Variants in RAB5C observed in about 807,000 individuals in gnomAD.
The protein encoded by RAB5C is RAB5C, member RAS oncogene family.
RAB5C carries 4 observed loss-of-function variants against 25.2 expected under a neutral mutation model. The observed-to-expected ratio is 0.16, with a 90% CI of 0.08 to 0.36. RAB5C has a LOEUF of 0.36. Among genes scored for constraint, RAB5C ranks in the 10% least tolerant of loss-of-function variants. RAB5C has a pLI of 1.00. For missense variants in RAB5C, 199 were observed against 283.8 expected (o/e 0.70, Z 2.15); for synonymous variants, 100 against 106.4 (o/e 0.94, Z 0.37).
chr17:42,142,970 T>C (rs1373229051), intron 1 of RAB5C, among the ~76,000 whole-genome samples: 1 of 152,168 alleles, frequency 6.6e-6, no homozygotes, highest in Non-Finnish European at 1.5e-5. Flanking sequence ...TAGAGAACGA[T>C]TATATACACA....
intron 2 of RAB5C, chr17:42,130,012 C>T (rs1355128550): frequency 4.0e-6 from 1 of 251,156 alleles, no homozygotes; most frequent in African/African-American, 2.2e-5. Context: ...AAGAAGGGGC[C>T]TCAAAGATCC....
chr17:42,149,878 T>G (rs958013350), intron 1 of RAB5C, among the ~76,000 whole-genome samples: 19 of 145,360 alleles, frequency 1.3e-4, no homozygotes, highest in Admixed American at 1.3e-3. Context: ...CCAGGCTGGT[T>G]TTTTTTTTTT....
intron 1 of RAB5C, among the ~76,000 whole-genome samples, chr17:42,141,260 A>G (rs2144085217): frequency 6.6e-6 from 1 of 152,340 alleles, no homozygotes; most frequent in South Asian, 2.1e-4. Flanking sequence ...TCATAAGACT[A>G]GTGTAGGTGG....
chr17:42,144,056 G>C (rs1044271141), intron 1 of RAB5C, among the ~76,000 whole-genome samples: 1 of 152,084 alleles, frequency 6.6e-6, no homozygotes, highest in Non-Finnish European at 1.5e-5. Flanking sequence ...CAAGTGCTGG[G>C]AATACAAACG....
intron 1 of RAB5C, chr17:42,131,483 T>TACACACCAAAACAGACACCAAAACAAAAC: frequency 2.2e-6 from 2 of 909,520 alleles, no homozygotes; most frequent in Non-Finnish European, 1.7e-6. Flanking sequence ...CACACAGAAA[T>TACACACCAAAACAGACACCAAAACAAAAC]ACACACCAAA....
intron 1 of RAB5C, among the ~76,000 whole-genome samples, chr17:42,154,117 G>A (rs533355740): frequency 6.6e-6 from 1 of 152,296 alleles, no homozygotes; most frequent in South Asian, 2.1e-4. Context: ...GCTCTGGGAG[G>A]ACAGAGCTGA....
intron 1 of RAB5C, among the ~76,000 whole-genome samples, chr17:42,137,218 A>C (rs889125935): frequency 2.6e-5 from 4 of 152,022 alleles, no homozygotes; most frequent in Non-Finnish European, 4.4e-5. Context: ...AGGCAGGAGA[A>C]TCACTTGAAC....
At chr17:42,126,872 A>G (rs764471642) in intron 4 of RAB5C, 24 bp from the exon 5 acceptor site, 1 of 1,538,982 alleles carries the variant, frequency 6.5e-7, no homozygotes, top group East Asian at 2.3e-5. Context: ...AGGTGAGAGG[A>G]GGTGAGAGGG....
intron 1 of RAB5C, among the ~76,000 whole-genome samples, chr17:42,153,395 C>T (rs929622993): frequency 5.9e-5 from 9 of 151,944 alleles, no homozygotes; most frequent in East Asian, 1.9e-4. Flanking sequence ...CCAGCCTGGG[C>T]GACAGAGCAA....
At chr17:42,151,436 C>CA (rs753167130) in intron 1 of RAB5C, among the ~76,000 whole-genome samples, 143 of 131,638 alleles carry the variant, frequency 1.1e-3, no homozygotes, top group South Asian at 4.3e-3. Flanking sequence ...GACTCCGACT[C>CA]AAAAAAAAAA....
At position 42,125,550 on chromosome 17, in the gene RAB5C, T is replaced by C. The variant is rs1389790061; in HGVS notation, c.*233A>G. ...AGGAAGTGGGAAGAGCAGAAGATCA[T>C]ATATATTAAAAAAGTGACTTAAGAC... On this transcript the variant is annotated 3_prime_UTR_variant, in exon 6 of 6. Coordinates refer to ENST00000346213, the MANE Select transcript of RAB5C (RefSeq NM_004583.4). 2.0e-5 allele frequency: 10 copies of C among 500,382 alleles called. No individual in the cohort carries two copies. The highest frequency in any genetic ancestry group is 3.5e-5 in the East Asian group (1 of 28,302). The allele number at this position is 500,382 out of a possible 1,614,324, so 31.0% of individuals were successfully genotyped here. A position where few individuals can be genotyped will look rare whatever the true frequency, so the allele number is the denominator to read the frequency against.
chr17:42,148,423 A>G lies in RAB5C; in HGVS notation c.-89+6470T>C, dbSNP rs916181945. Reference sequence around the variant, plus strand: ...CATCTCAAAAAAAAAAAAAAAAAAAAAAAGAAGTGGGCAGGTGTTTGGTGT... The same window carrying G: ...CATCTCAAAAAAAAAAAAAAAAAAAGAAAGAAGTGGGCAGGTGTTTGGTGT... On this transcript the variant is annotated intron_variant, in intron 1 of 5. Transcript: ENST00000346213. Among the ~76,000 whole-genome samples, 14 of 151,858 alleles carry G rather than the reference A, an allele frequency of 9.2e-5. No individual in the cohort carries two copies. The South Asian group carries it at 1.0e-3, about 11-fold the overall frequency.
chr17:42,153,656 T>C (rs149607534), intron 1 of RAB5C, among the ~76,000 whole-genome samples: 119 of 152,260 alleles, frequency 7.8e-4, no homozygotes, highest in African/African-American at 2.8e-3. Context: ...CAAGGGTCAG[T>C]CATGGCCTCA....
chr17:42,128,646 T>C lies in RAB5C; in HGVS notation c.318+3A>G. ...AAAGGAAGAAGCAAGGGGAAATCTT[T>C]ACTGTGTTGGTGATGTCATAGACCA... On this transcript the variant is annotated splice_donor_region_variant and intron_variant, in intron 3 of 5. Transcript: ENST00000346213. 6.8e-7 allele frequency: 1 copy of C among 1,476,078 alleles called. No individual in the cohort carries two copies. Among genetic ancestry groups the C allele is most frequent in the Non-Finnish European group, 9.0e-7 (1 of 1,112,562 alleles). 91.4% of individuals were successfully genotyped at this position (1,476,078 alleles called of 1,614,324 possible).
intron 1 of RAB5C, 131 bp from the exon 2 acceptor site, chr17:42,130,721 C>T (rs948282330): frequency 8.7e-7 from 1 of 1,155,918 alleles, no homozygotes; most frequent in African/African-American, 1.6e-5. Flanking sequence ...CCTCACCTCC[C>T]TGCCCTCCCC....
intron 1 of RAB5C, among the ~76,000 whole-genome samples, chr17:42,153,424 A>C (rs375723068): frequency 6.6e-6 from 1 of 152,108 alleles, no homozygotes; most frequent in South Asian, 2.1e-4. Context: ...CTCAAAAACA[A>C]ACAAACAAAA....
At chr17:42,128,533 C>T in intron 3 of RAB5C, 116 bp downstream of exon 3, 1 of 411,072 alleles carries the variant, frequency 2.4e-6, no homozygotes, top group Middle Eastern at 5.4e-4. Flanking sequence ...GGAAATCTGC[C>T]CACCCCCCAC....
intron 1 of RAB5C, among the ~76,000 whole-genome samples, chr17:42,134,921 G>T (rs2054520342): frequency 1.3e-5 from 2 of 152,020 alleles, no homozygotes; most frequent in Non-Finnish European, 2.9e-5. Context: ...CCTGCTCCGG[G>T]GTTCCCTCTG....
At chr17:42,130,166 G>A (rs1275397115) in intron 2 of RAB5C, 171 bp downstream of exon 2, 2 of 857,384 alleles carry the variant, frequency 2.3e-6, no homozygotes, top group Non-Finnish European at 3.5e-6. Flanking sequence ...GGGGACTCTG[G>A]CATGGAGACC....
Sources: gnomAD v4.1 joint callset for allele counts (sites outside exome capture counted in the v4.1 genomes callset) on GRCh38, gnomAD v4.1.1 for gene constraint, MANE v1.5 for transcripts, NCBI Gene and HGNC (gene_info 2026-07-23, HGNC 2026-07-21) for gene names.